ZNF449: variants seen among roughly 807,000 people sequenced by gnomAD.
The protein encoded by ZNF449 is zinc finger and SCAN domain-containing protein 19.
A neutral mutation model predicts 32.6 loss-of-function variants in ZNF449; 4 were observed. The observed-to-expected ratio is 0.12, with a 90% CI of 0.06 to 0.28. ZNF449 has a LOEUF of 0.28. Among genes scored for constraint, ZNF449 ranks in the 10% least tolerant of loss-of-function variants. ZNF449 has a pLI of 1.00. For synonymous variants in ZNF449, 123 were observed against 132.2 expected, an observed-to-expected ratio of 0.93 and a Z score of 0.48; for missense variants, 275 against 383.2, an observed-to-expected ratio of 0.72 and a Z score of 2.36.
chrX:135,345,041 G>A (rs1260357613), intron 1 of ZNF449, among the ~76,000 whole-genome samples: 1 of 113,187 alleles, frequency 8.8e-6, no homozygotes, highest in African/African-American at 3.2e-5. Flanking sequence ...GGGCCTTCCC[G>A]GGAGTCCTTC....
intron 3 of ZNF449, among the ~76,000 whole-genome samples, chrX:135,356,712 A>G (rs1556451996): frequency 1.8e-5 from 2 of 111,798 alleles, no homozygotes; most frequent in Admixed American, 1.9e-4. Flanking sequence ...CACATATTTC[A>G]TATGTTATAT....
chrX:135,351,062 T>TG (rs782131535), intron 3 of ZNF449, among the ~76,000 whole-genome samples: 6 of 111,353 alleles, frequency 5.4e-5, no homozygotes, highest in Non-Finnish European at 1.1e-4. Context: ...ACGAAGAACT[T>TG]GCAGCCTCAT....
At chrX:135,356,387 T>C (rs184865758) in intron 3 of ZNF449, among the ~76,000 whole-genome samples, 10 of 112,004 alleles carry the variant, frequency 8.9e-5, no homozygotes, top group African/African-American at 2.6e-4. Flanking sequence ...TAGTGACTCA[T>C]TGTGGTTTTG....
At position 135,360,467 on chromosome X, in the gene ZNF449, G is replaced by C; in HGVS notation, c.948G>C (p.Lys316Asn). The C allele has an allele frequency of 8.3e-7, 1 of 1,211,422 alleles. No individual in the cohort carries two copies. The highest frequency in any genetic ancestry group is 1.8e-5 in the South Asian group (1 of 56,936). The change falls in exon 5 of 5, where the codon AAG (lysine) becomes AAC (asparagine). Residue 316 changes from lysine to asparagine, a missense_variant. By Grantham distance (94) the Lys-to-Asn change is moderately conservative. Transcript: ENST00000339249. ...EPLNPKPHKK[K>N]SPGEKPHRCP... is the part of the protein sequence containing the mutation. ...TCAACCCTAAACCCCACAAGAAAAAGAGTCCAGGAGAGAAACCTCACCGAT... is the reference window on the plus strand; with the variant it reads ...TCAACCCTAAACCCCACAAGAAAAACAGTCCAGGAGAGAAACCTCACCGAT...
rs1556453793 is a variant in ZNF449, at chrX:135,361,093, C to T, written c.*17C>T. ...CTTATTTAAGAATTGCTAAGGGAAA[C>T]AGGTCTTACACAAATTGACACTAAC... is the stretch of plus-strand genomic sequence containing the variant. On this transcript the variant is annotated 3_prime_UTR_variant, in exon 5 of 5. Coordinates refer to ENST00000339249, the MANE Select transcript of ZNF449 (RefSeq NM_152695.6). 6 of 1,134,920 alleles carry T rather than the reference C, an allele frequency of 5.3e-6. No homozygotes were observed. In the African/African-American group the frequency reaches 9.2e-5, roughly 17 times the overall value. 93.5% of individuals were successfully genotyped at this position (1,134,920 alleles called of 1,213,427 possible).
intron 1 of ZNF449, 29 bp from the exon 2 acceptor site, chrX:135,346,990 T>C: frequency 1.6e-6 from 1 of 612,578 alleles, no homozygotes; most frequent in Non-Finnish European, 2.5e-6. Flanking sequence ...CACTCCTGTT[T>C]CTCCTTTCTC....
rs1556453720 is a variant in ZNF449 at position 135,361,031 on chromosome X, C to G, written c.1512C>G (p.Ala504=). The change falls in exon 5 of 5, where the codon GCC becomes GCG. Residue 504 remains alanine, a synonymous_variant. Coordinates refer to ENST00000339249, the MANE Select transcript of ZNF449 (RefSeq NM_152695.6). ...GTTCTAAAAGCTTCAGACAGAGAGC[C>G]GGCCTTATTATGCACCAGGTCACTC... is the stretch of plus-strand genomic sequence containing the variant. The part of the protein sequence containing the change: ...THCSKSFRQR[A]GLIMHQVTHF... The G allele has an allele frequency of 8.3e-7, 1 of 1,200,799 alleles. No homozygotes were observed. The highest frequency in any genetic ancestry group is 1.8e-5 in the African/African-American group (1 of 57,015).
intron 2 of ZNF449, 70 bp downstream of exon 2, chrX:135,347,542 C>T (rs782599876): frequency 8.4e-7 from 1 of 1,189,519 alleles, no homozygotes; most frequent in African/African-American, 1.7e-5. Flanking sequence ...GACTAGACCA[C>T]ACATTTGTCT....
intron 3 of ZNF449, among the ~76,000 whole-genome samples, chrX:135,356,711 CAT>C (rs781817264): frequency 6.3e-5 from 7 of 111,340 alleles, no homozygotes; most frequent in Non-Finnish European, 9.5e-5. Context: ...ACACATATTT[CAT>C]ATGTTATATT....
chrX:135,349,445 G>A lies in ZNF449; in HGVS notation c.559+131G>A, dbSNP rs1225818356. On this transcript the variant is annotated intron_variant, in intron 3 of 4. Transcript: ENST00000339249. ...CCACTCAGATAAAGAAGAGGAAAAA[G>A]TCTCTCTGGGAATAGTAGGGAACAA... 1.9e-5 allele frequency: 12 copies of A among 626,762 alleles called. No individual in the cohort carries two copies. The East Asian group carries it at 4.3e-4, about 22-fold the overall frequency. 51.7% of individuals were successfully genotyped at this position (626,762 alleles called of 1,213,427 possible).
intron 3 of ZNF449, among the ~76,000 whole-genome samples, chrX:135,350,071 A>G (rs1556449924): frequency 9.3e-6 from 1 of 107,097 alleles, no homozygotes; most frequent in African/African-American, 3.5e-5. Flanking sequence ...CAGTGGCGCA[A>G]TCTCGGCGCA....
In ZNF449 at chrX:135,360,536, T is replaced by C; in HGVS notation, c.1017T>C (p.Thr339=). Residue 339 remains threonine, a synonymous_variant, in exon 5 of 5, where the codon ACT becomes ACC. Coordinates refer to ENST00000339249, the MANE Select transcript of ZNF449 (RefSeq NM_152695.6). The stretch of plus-strand genomic sequence containing the variant: ...GTTTTGCTCGGAAGTCACAACTTAC[T>C]GGGCATCAGAGAATTCATTCAGGAG... ...GKCFARKSQL[T]GHQRIHSGEE... The C allele has an allele frequency of 8.3e-7, 1 of 1,211,815 alleles. No individual in the cohort carries two copies. Among genetic ancestry groups the C allele is most frequent in the Non-Finnish European group, 1.1e-6 (1 of 895,420 alleles).
chrX:135,357,370 T>A (rs2084923694), intron 3 of ZNF449, among the ~76,000 whole-genome samples: 1 of 111,590 alleles, frequency 9.0e-6, no homozygotes, highest in African/African-American at 3.2e-5. Context: ...CATCCAGGTG[T>A]CTCAGCATTA....
chrX:135,350,133 A>G (rs2084877129), intron 3 of ZNF449, among the ~76,000 whole-genome samples: 1 of 110,555 alleles, frequency 9.0e-6, no homozygotes, highest in Non-Finnish European at 1.9e-5. Context: ...CAGCCTCTCA[A>G]GTAGCTGGGA....
chrX:135,361,380 A>G lies in ZNF449; in HGVS notation c.*304A>G, dbSNP rs781862331. 23 of 199,231 alleles carry G rather than the reference A, an allele frequency of 1.2e-4. No individual in the cohort carries two copies. Among genetic ancestry groups the G allele is most frequent in the African/African-American group, 6.5e-4 (22 of 33,888 alleles). The allele number at this position is 199,231 out of a possible 1,213,427, so 16.4% of individuals were successfully genotyped here. A position where few individuals can be genotyped will look rare whatever the true frequency, so the allele number is the denominator to read the frequency against. On this transcript the variant is annotated 3_prime_UTR_variant, in exon 5 of 5. Coordinates refer to ENST00000339249, the MANE Select transcript of ZNF449 (RefSeq NM_152695.6). Reference sequence around the variant, plus strand: ...GGTGTAAACATAAAGCATATAAATTATGACAATCCTTTTAGAGGTAGGGTC... The same window carrying G: ...GGTGTAAACATAAAGCATATAAATTGTGACAATCCTTTTAGAGGTAGGGTC...
chrX:135,348,630 C>T, intron 2 of ZNF449: 2 of 590,242 alleles, frequency 3.4e-6, no homozygotes, highest in Non-Finnish European at 4.5e-6. Flanking sequence ...AGCTTCAGGG[C>T]TCCTGAACAG....
chrX:135,347,306 T>C lies in ZNF449; in HGVS notation c.188T>C (p.Met63Thr). 1 of 1,212,423 alleles carries C rather than the reference T, an allele frequency of 8.2e-7. No homozygotes were observed. The highest frequency in any genetic ancestry group is 1.8e-5 in the South Asian group (1 of 57,026). Residue 63 changes from methionine to threonine, a missense_variant, in exon 2 of 5, where the codon ATG (methionine) becomes ACG (threonine). By Grantham distance (81) the Met-to-Thr change is moderately conservative (BLOSUM62 -1). This residue lies in a region of ZNF449 where 30 missense variants were observed against 61.6 expected (regional missense o/e 0.49). Transcript: ENST00000339249. ...TGCTGTCAATGGCTGAAGCCAAAGA[T>C]GCGCTCTAAGGAACAAATCCTGGAG... is the stretch of plus-strand genomic sequence containing the variant. ...ELCCQWLKPK[M>T]RSKEQILELL...
rs781813918 is a variant in ZNF449 at position 135,347,066 on chromosome X, C to T, written c.-53C>T. 745 of 1,112,850 alleles carry T rather than the reference C, an allele frequency of 6.7e-4. 1 individual carries two copies. Among genetic ancestry groups the T allele is most frequent in the Non-Finnish European group, 6.1e-4 (507 of 832,200 alleles). 91.7% of individuals were successfully genotyped at this position (1,112,850 alleles called of 1,213,427 possible). ...CCAACGATTTCAGAGAGAAACAAGTCGGAATCTGAGAAGTGAGGCTCCAGA... is the reference window on the plus strand; with the variant it reads ...CCAACGATTTCAGAGAGAAACAAGTTGGAATCTGAGAAGTGAGGCTCCAGA... On this transcript the variant is annotated 5_prime_UTR_variant, in exon 2 of 5. Coordinates refer to ENST00000339249, the MANE Select transcript of ZNF449 (RefSeq NM_152695.6).
rs1280663691 is a variant in ZNF449 at position 135,361,891 on chromosome X, G to A, written c.*815G>A. On this transcript the variant is annotated 3_prime_UTR_variant, in exon 5 of 5. Coordinates refer to ENST00000339249, the MANE Select transcript of ZNF449 (RefSeq NM_152695.6). ...TTTGGGAATTACTTCCTGCTGTTTC[G>A]CCTTCTTAGGTTCATAGTACACATC... The A allele has an allele frequency of 4.5e-5, 5 of 111,231 alleles. No individual in the cohort carries two copies. The highest frequency in any genetic ancestry group is 6.5e-5 in the African/African-American group (2 of 30,635). 9.2% of individuals were successfully genotyped at this position (111,231 alleles called of 1,213,427 possible). A position where few individuals can be genotyped will look rare whatever the true frequency, so the allele number is the denominator to read the frequency against.
Sources: gnomAD v4.1 joint callset for allele counts (sites outside exome capture counted in the v4.1 genomes callset) on GRCh38, gnomAD v4.1.1 for gene constraint, gnomAD v4.1.1 regional missense constraint, MANE v1.5 for transcripts, NCBI Gene and HGNC (gene_info 2026-07-23, HGNC 2026-07-21) for gene names.